The following SSBP2 variants were observed in gnomAD, a reference collection of about 807,000 sequenced individuals.
SSBP2 encodes the protein single stranded DNA binding protein 2.
Under a neutral mutation model 61.8 loss-of-function variants are expected in SSBP2, and 17 were observed. That is an observed-to-expected ratio of 0.28 (90% CI 0.19 to 0.41). The LOEUF is 0.41. Ranked by LOEUF, SSBP2 falls within the 10% of genes least tolerant of loss-of-function variation. The pLI is 1.00. For synonymous variants in SSBP2, 139 were observed against 141.3 expected (o/e 0.98, Z 0.12); for missense variants, 310 against 458.7 (o/e 0.68, Z 2.96).
At chr5:81,648,132 A>G (rs1219966321) in intron 2 of SSBP2, among the ~76,000 whole-genome samples, 1 of 152,062 alleles carries the variant, frequency 6.6e-6, no homozygotes, top group Non-Finnish European at 1.5e-5. Context: ...AAATTTCCAG[A>G]GTGCACTATA....
chr5:81,585,223 T>C (rs2153489313), intron 4 of SSBP2, among the ~76,000 whole-genome samples: 1 of 152,200 alleles, frequency 6.6e-6, no homozygotes, highest in Non-Finnish European at 1.5e-5. Flanking sequence ...TTAGTTACAT[T>C]ACTCTGTCTC....
chr5:81,474,464 C>A, intron 7 of SSBP2, 32 bp downstream of exon 7: 1 of 1,586,268 alleles, frequency 6.3e-7, no homozygotes, highest in Non-Finnish European at 8.7e-7. Flanking sequence ...TGGTTCTGCA[C>A]ATCAATTTTC....
chr5:81,686,868 A>AAAAAAG (rs1752837800), intron 1 of SSBP2, among the ~76,000 whole-genome samples: 8 of 59,468 alleles, frequency 1.3e-4, no homozygotes, highest in Non-Finnish European at 2.2e-4. Flanking sequence ...AAAAAAAAAA[A>AAAAAAG]AAAAGAAAAG....
At chr5:81,641,909 T>C (rs1044986559) in intron 2 of SSBP2, among the ~76,000 whole-genome samples, 2 of 151,926 alleles carry the variant, frequency 1.3e-5, no homozygotes, top group East Asian at 3.9e-4. Context: ...ATGTATAGCA[T>C]AAAACCTTTC....
chr5:81,560,474 T>G (rs1478485087), intron 4 of SSBP2, among the ~76,000 whole-genome samples: 1 of 152,124 alleles, frequency 6.6e-6, no homozygotes, highest in Non-Finnish European at 1.5e-5. Flanking sequence ...AATCAGTTTG[T>G]AGGGAAAGTG....
intron 1 of SSBP2, among the ~76,000 whole-genome samples, chr5:81,686,023 A>G (rs1752745915): frequency 6.6e-6 from 1 of 152,234 alleles, no homozygotes; most frequent in Admixed American, 6.5e-5. Flanking sequence ...AAAATTTCCC[A>G]AAAGGTTAGA....
At chr5:81,544,295 C>CG (rs1370421252) in intron 4 of SSBP2, among the ~76,000 whole-genome samples, 2 of 152,130 alleles carry the variant, frequency 1.3e-5, no homozygotes, top group African/African-American at 4.8e-5. Flanking sequence ...GATCCGCCCC[C>CG]CTCAGCCACC....
At chr5:81,526,245 T>C (rs1180319593) in intron 4 of SSBP2, among the ~76,000 whole-genome samples, 1 of 152,106 alleles carries the variant, frequency 6.6e-6, no homozygotes, top group Non-Finnish European at 1.5e-5. Flanking sequence ...ACACTATTGT[T>C]AGCACAGATC....
chr5:81,535,993 A>G (rs777035884), intron 4 of SSBP2, among the ~76,000 whole-genome samples: 21 of 152,112 alleles, frequency 1.4e-4, no homozygotes, highest in Non-Finnish European at 2.4e-4. Context: ...TGCAAAAGAC[A>G]TATCTGATAA....
intron 4 of SSBP2, among the ~76,000 whole-genome samples, chr5:81,558,114 T>C (rs1335297454): frequency 6.6e-6 from 1 of 152,118 alleles, no homozygotes; most frequent in African/African-American, 2.4e-5. Flanking sequence ...AATTACGAGG[T>C]TTTGCATTCC....
intron 4 of SSBP2, among the ~76,000 whole-genome samples, chr5:81,556,622 T>TA (rs1315882643): frequency 6.6e-6 from 1 of 152,142 alleles, no homozygotes; most frequent in Non-Finnish European, 1.5e-5. Flanking sequence ...ACTTTTACTA[T>TA]GGATCCTATT....
At chr5:81,635,099 T>A (rs1748084537) in intron 3 of SSBP2, among the ~76,000 whole-genome samples, 1 of 152,148 alleles carries the variant, frequency 6.6e-6, no homozygotes, top group Non-Finnish European at 1.5e-5. Context: ...CAATAAACCT[T>A]CTAGGTTTGC....
intron 6 of SSBP2, among the ~76,000 whole-genome samples, chr5:81,478,780 C>T (rs1203551135): frequency 1.3e-5 from 2 of 152,098 alleles, no homozygotes; most frequent in Non-Finnish European, 2.9e-5. Flanking sequence ...CAGATTCTTG[C>T]TTTTTTTAAG....
intron 11 of SSBP2, among the ~76,000 whole-genome samples, 178 bp from the exon 12 acceptor site, chr5:81,447,100 T>C (rs1303855859): frequency 1.3e-5 from 2 of 152,230 alleles, no homozygotes; most frequent in Non-Finnish European, 2.9e-5. Context: ...TTAGCTTAAA[T>C]ATGTTGAGAC....
chr5:81,663,952 A>G (rs1750904271), intron 1 of SSBP2, among the ~76,000 whole-genome samples: 1 of 152,212 alleles, frequency 6.6e-6, no homozygotes, highest in Non-Finnish European at 1.5e-5. Context: ...TTGTAATTTT[A>G]AAATTCTTTG....
chr5:81,545,238 A>C (rs992628592), intron 4 of SSBP2, among the ~76,000 whole-genome samples: 1 of 152,218 alleles, frequency 6.6e-6, no homozygotes, highest in Admixed American at 6.5e-5. Context: ...AAAATTGTTT[A>C]TTGCTTATTT....
At position 81,661,014 on chromosome 5, in the gene SSBP2, G is replaced by A. The variant is rs192292721; in HGVS notation, c.63-10675C>T. 3.3e-5 allele frequency among the ~76,000 whole-genome samples: 5 copies of A among 152,152 alleles called. No homozygotes were observed. In the East Asian group the frequency reaches 9.7e-4, roughly 29 times the overall value. On this transcript the variant is annotated intron_variant, in intron 1 of 16. Coordinates refer to ENST00000320672, the MANE Select transcript of SSBP2 (RefSeq NM_012446.5). The stretch of plus-strand genomic sequence containing the variant: ...ATAAACCGGAGCCTGTTGAGGGGTG[G>A]GGGGTCAGGGGAGGGAGAGCATTAG...
intron 10 of SSBP2, among the ~76,000 whole-genome samples, chr5:81,456,821 G>GTGGACAATTT (rs1764182423): frequency 6.6e-6 from 1 of 152,116 alleles, no homozygotes; most frequent in South Asian, 2.1e-4. Flanking sequence ...TGACAAAATT[G>GTGGACAATTT]TGGACAAAGA....
At chr5:81,478,528 G>A (rs1236862407) in intron 6 of SSBP2, among the ~76,000 whole-genome samples, 1 of 151,884 alleles carries the variant, frequency 6.6e-6, no homozygotes, top group Non-Finnish European at 1.5e-5. Flanking sequence ...TTTAGTAGTC[G>A]GGGTTTCACC....
Sources: gnomAD v4.1 joint callset for allele counts (sites outside exome capture counted in the v4.1 genomes callset) on GRCh38, gnomAD v4.1.1 for gene constraint, MANE v1.5 for transcripts, NCBI Gene and HGNC (gene_info 2026-07-23, HGNC 2026-07-21) for gene names.